Variants in PTPRZ1 observed in about 807,000 individuals in gnomAD.
The protein encoded by PTPRZ1 is protein tyrosine phosphatase receptor type Z1.
A neutral mutation model predicts 214.1 loss-of-function variants in PTPRZ1; 82 were observed. The observed-to-expected ratio is 0.38, with a 90% CI of 0.32 to 0.46. The LOEUF (loss-of-function observed/expected upper bound fraction) is 0.46. PTPRZ1 is among the 20% of genes least tolerant of loss of function. The pLI is 1.00. For missense variants in PTPRZ1, 2,603 were observed against 2,748.7 expected, an observed-to-expected ratio of 0.95 and a Z score of 1.19; for synonymous variants, 945 against 987.9, an observed-to-expected ratio of 0.96 and a Z score of 0.81.
chr7:121,971,779 A>G (rs1209633), intron 3 of PTPRZ1, among the ~76,000 whole-genome samples: 30,234 of 152,108 alleles, frequency 0.2, 3,125 homozygotes, highest in Admixed American at 0.24. Context: ...TGGCTGGCCA[A>G]TATGTTGTAT....
chr7:122,000,025 A>G (rs1798271318), intron 10 of PTPRZ1, among the ~76,000 whole-genome samples: 1 of 152,122 alleles, frequency 6.6e-6, no homozygotes, highest in South Asian at 2.1e-4. Flanking sequence ...TTGTATAGTA[A>G]TGATGTGTTA....
chr7:121,891,772 A>G (rs1794631430), intron 1 of PTPRZ1, among the ~76,000 whole-genome samples: 1 of 151,612 alleles, frequency 6.6e-6, no homozygotes, highest in South Asian at 2.1e-4. Flanking sequence ...TGGTCTTTGC[A>G]TTTATCGTTT....
intron 1 of PTPRZ1, among the ~76,000 whole-genome samples, chr7:121,900,776 TA>T (rs1450717750): frequency 6.6e-6 from 1 of 152,180 alleles, no homozygotes; most frequent in East Asian, 1.9e-4. Context: ...ATAGGCACTG[TA>T]AAAGGCACTG....
intron 11 of PTPRZ1, 84 bp downstream of exon 11, chr7:122,004,744 A>C (rs1562856437): frequency 1.3e-6 from 1 of 770,350 alleles, no homozygotes; most frequent in African/African-American, 1.8e-5. Context: ...GTATTGCCAC[A>C]TGAATAGAAG....
chr7:122,057,598 T>C (rs965716964), intron 27 of PTPRZ1, among the ~76,000 whole-genome samples: 2 of 151,412 alleles, frequency 1.3e-5, no homozygotes, highest in African/African-American at 4.8e-5. Context: ...ATATTGCAAA[T>C]ACTTTCTCCC....
At chr7:121,988,954 G>A (rs1177921032) in intron 8 of PTPRZ1, among the ~76,000 whole-genome samples, 5 of 152,110 alleles carry the variant, frequency 3.3e-5, no homozygotes, top group Non-Finnish European at 7.4e-5. Flanking sequence ...GGAAAAGAAA[G>A]ATTCTAATTT....
At chr7:121,888,427 A>G (rs967196821) in intron 1 of PTPRZ1, among the ~76,000 whole-genome samples, 19 of 152,122 alleles carry the variant, frequency 1.2e-4, no homozygotes, top group African/African-American at 4.6e-4. Context: ...TCAATAAAAG[A>G]TGGCTGAAAT....
chr7:122,023,505 GTATAATTTTATATATAATTATATATA>G (rs1400780059), intron 13 of PTPRZ1, among the ~76,000 whole-genome samples: 21 of 125,124 alleles, frequency 1.7e-4, no homozygotes, highest in South Asian at 4.5e-4. Flanking sequence ...TTATATATAT[GTATAATTTTATATATAATTATATATA>G]TATAATTTTA....
At position 122,010,472 on chromosome 7, in the gene PTPRZ1, G is replaced by T; in HGVS notation, c.1426G>T (p.Glu476Ter). 1.2e-6 allele frequency: 2 copies of T among 1,614,056 alleles called. No homozygotes were observed. The highest frequency in any genetic ancestry group is 1.7e-6 in the Non-Finnish European group (2 of 1,179,974). The change falls in exon 12 of 30, where the codon GAA (glutamate) becomes TAA (stop). Residue 476 changes from glutamate (E) to a stop codon, truncating the protein, a stop_gained. Coordinates refer to ENST00000393386, the MANE Select transcript of PTPRZ1 (RefSeq NM_002851.3). LOFTEE classifies it high-confidence loss of function. ...HYNRIGTKYN[E>*]AKTNRSPTRG... is the part of the protein sequence containing the mutation. ...CAATCGCATAGGGACGAAATACAAT[G>T]AAGCCAAGACTAACCGATCCCCAAC...
At chr7:121,994,820 C>T (rs1798085888) in intron 8 of PTPRZ1, among the ~76,000 whole-genome samples, 1 of 152,036 alleles carries the variant, frequency 6.6e-6, no homozygotes, top group Non-Finnish European at 1.5e-5. Flanking sequence ...AATATATTTT[C>T]TTATTCTGAA....
At chr7:121,920,635 C>T (rs1192300114) in intron 1 of PTPRZ1, among the ~76,000 whole-genome samples, 2 of 151,930 alleles carry the variant, frequency 1.3e-5, no homozygotes, top group Non-Finnish European at 2.9e-5. Flanking sequence ...TGAGTTTGTG[C>T]TTAGTGTTTT....
At chr7:121,886,164 T>C (rs1794389785) in intron 1 of PTPRZ1, among the ~76,000 whole-genome samples, 1 of 152,104 alleles carries the variant, frequency 6.6e-6, no homozygotes, top group Non-Finnish European at 1.5e-5. Context: ...TGATATAGAC[T>C]TTTTTGTGTG....
intron 1 of PTPRZ1, among the ~76,000 whole-genome samples, chr7:121,905,381 G>A (rs891683299): frequency 6.6e-6 from 1 of 152,106 alleles, no homozygotes; most frequent in African/African-American, 2.4e-5. Flanking sequence ...AAGGAGACGA[G>A]GAGAGTCATC....
chr7:121,922,567 T>G (rs528474148), intron 1 of PTPRZ1, among the ~76,000 whole-genome samples: 9 of 152,024 alleles, frequency 5.9e-5, no homozygotes, highest in African/African-American at 2.2e-4. Flanking sequence ...AGAGCGGGAC[T>G]CCGCCTCAAA....
Position 122,020,537 on chromosome 7 carries a change from G to A in PTPRZ1, c.4988+1269G>A, listed in dbSNP as rs560987455. 9.2e-5 allele frequency among the ~76,000 whole-genome samples: 14 copies of A among 152,302 alleles called. No homozygotes were observed. In the East Asian group the frequency reaches 2.7e-3, roughly 29 times the overall value. On this transcript the variant is annotated intron_variant, in intron 13 of 29. Coordinates refer to ENST00000393386, the MANE Select transcript of PTPRZ1 (RefSeq NM_002851.3). Reference sequence around the variant, plus strand: ...TGCAAAGATCGGGAAGTAGAAATGAGCTGTCTTTTGAGTAAAAGCTATTGG... The same window carrying A: ...TGCAAAGATCGGGAAGTAGAAATGAACTGTCTTTTGAGTAAAAGCTATTGG...
intron 12 of PTPRZ1, among the ~76,000 whole-genome samples, chr7:122,017,049 G>A (rs1474055313): frequency 1.3e-5 from 2 of 152,038 alleles, no homozygotes; most frequent in African/African-American, 4.8e-5. Context: ...CAAACGTCAA[G>A]AAAATCTGAT....
At chr7:122,029,510 G>A (rs1239680734) in intron 14 of PTPRZ1, among the ~76,000 whole-genome samples, 1 of 151,834 alleles carries the variant, frequency 6.6e-6, no homozygotes, top group Non-Finnish European at 1.5e-5. Flanking sequence ...GGGAAATAGA[G>A]GACAATAAAA....
At chr7:122,018,022 T>A (rs532252356) in intron 12 of PTPRZ1, among the ~76,000 whole-genome samples, 26 of 152,226 alleles carry the variant, frequency 1.7e-4, no homozygotes, top group Non-Finnish European at 3.5e-4. Flanking sequence ...AGTCTCAATT[T>A]TCTTAAATAC....
chr7:122,038,656 T>C, intron 18 of PTPRZ1, 99 bp from the exon 19 acceptor site: 2 of 1,191,012 alleles, frequency 1.7e-6, no homozygotes, highest in Non-Finnish European at 2.3e-6. Context: ...TGGTTTTCTT[T>C]TACGAAAAAT....
Sources: gnomAD v4.1 joint callset for allele counts (sites outside exome capture counted in the v4.1 genomes callset) on GRCh38, gnomAD v4.1.1 for gene constraint, MANE v1.5 for transcripts, NCBI Gene and HGNC (gene_info 2026-07-23, HGNC 2026-07-21) for gene names.